Variants in CSMD1 observed in about 807,000 individuals in gnomAD.
CSMD1 encodes the protein CUB and Sushi multiple domains 1, also known as CUB and sushi domain-containing protein 1.
Under a neutral mutation model 417.5 loss-of-function variants are expected in CSMD1, and 213 were observed. That is an observed-to-expected ratio of 0.51 (90% confidence interval 0.46 to 0.57). The LOEUF is 0.57. Ranked by LOEUF, CSMD1 falls within the 20% of genes least tolerant of loss-of-function variation. The probability of loss-of-function intolerance (pLI) is 0.00; values close to 1 mark genes in which losing one functional copy is unlikely to be tolerated. For missense variants in CSMD1, 6,923 were observed against 4,529.7 expected (o/e 1.53, Z -15.17); for synonymous variants, 2,862 against 1,736.8 (o/e 1.65, Z -16.11).
Position 4,550,328 on chromosome 8 carries a change from C to T in CSMD1, c.302+87014G>A, listed in dbSNP as rs375369825. 8.0e-4 allele frequency among the ~76,000 whole-genome samples: 110 copies of T among 137,466 alleles called. 1 individual carries two copies. In the South Asian group the frequency reaches 0.022, roughly 27 times the overall value. 90.2% of individuals were successfully genotyped at this position (137,466 alleles called of 152,430 possible). On this transcript the variant is annotated intron_variant, in intron 2 of 69. Coordinates refer to ENST00000635120, the MANE Select transcript of CSMD1 (RefSeq NM_033225.6). ...TTTCATTGGAAGAAGCATACACACA[C>T]GCACACACACACACACACACACACA...
intron 1 of CSMD1, among the ~76,000 whole-genome samples, chr8:4,987,804 G>T (rs1289827704): frequency 2.0e-5 from 3 of 152,202 alleles, no homozygotes; most frequent in Admixed American, 6.5e-5. Flanking sequence ...CCCACATGCT[G>T]AGTCTTCAGG....
At chr8:4,346,947 T>A (rs1800808597) in intron 3 of CSMD1, among the ~76,000 whole-genome samples, 1 of 152,122 alleles carries the variant, frequency 6.6e-6, no homozygotes, top group Non-Finnish European at 1.5e-5. Context: ...GTGAGTTTAG[T>A]TAGGTAACAT....
intron 3 of CSMD1, among the ~76,000 whole-genome samples, chr8:4,072,380 T>A (rs777242398): frequency 6.6e-6 from 1 of 152,192 alleles, no homozygotes. Context: ...TACCTGCCTT[T>A]AGTTTACTGC....
chr8:4,940,298 A>T (rs1339025666), intron 1 of CSMD1, among the ~76,000 whole-genome samples: 1 of 152,250 alleles, frequency 6.6e-6, no homozygotes, highest in African/African-American at 2.4e-5. Flanking sequence ...GAGTAAAATG[A>T]TATGGCTTCA....
chr8:4,096,255 G>C lies in CSMD1; in HGVS notation c.416-64156C>G, dbSNP rs543129974. ...AAAAAGCAACCGACTTTCCCTGCTAGCTCTTGATAGCAAGCAGGCCCTTGG... is the reference window on the plus strand; with the variant it reads ...AAAAAGCAACCGACTTTCCCTGCTACCTCTTGATAGCAAGCAGGCCCTTGG... On this transcript the variant is annotated intron_variant, in intron 3 of 69. Coordinates refer to ENST00000635120, the MANE Select transcript of CSMD1 (RefSeq NM_033225.6). Among the ~76,000 whole-genome samples, 14 of 152,202 alleles carry C rather than the reference G, an allele frequency of 9.2e-5. 1 individual carries two copies. In the East Asian group the frequency reaches 2.3e-3, roughly 25 times the overall value.
At chr8:4,593,289 T>G (rs1205440160) in intron 2 of CSMD1, among the ~76,000 whole-genome samples, 1 of 152,184 alleles carries the variant, frequency 6.6e-6, no homozygotes, top group African/African-American at 2.4e-5. Flanking sequence ...ATTTGTTCCC[T>G]CTCCTCTTTA....
At chr8:3,577,344 G>C (rs1049834002) in intron 9 of CSMD1, among the ~76,000 whole-genome samples, 2 of 152,210 alleles carry the variant, frequency 1.3e-5, no homozygotes, top group Non-Finnish European at 2.9e-5. Flanking sequence ...CACAAAGCAA[G>C]TCATGGACCC....
At chr8:3,456,564 C>T (rs865980047) in intron 12 of CSMD1, among the ~76,000 whole-genome samples, 1 of 152,314 alleles carries the variant, frequency 6.6e-6, no homozygotes, top group Middle Eastern at 3.4e-3. Context: ...AGCATCATTG[C>T]ATTACTTCCT....
At chr8:3,011,920 C>A (rs1029285311) in intron 52 of CSMD1, among the ~76,000 whole-genome samples, 7 of 152,178 alleles carry the variant, frequency 4.6e-5, no homozygotes, top group African/African-American at 1.4e-4. Flanking sequence ...TCATGTAGAT[C>A]ACAAACTTCC....
chr8:2,997,969 C>G (rs1359257225), intron 54 of CSMD1, 42 bp downstream of exon 54: 1 of 1,586,806 alleles, frequency 6.3e-7, no homozygotes, highest in Non-Finnish European at 8.6e-7. Context: ...CAGCCTAGAA[C>G]ACTCTCAGAG....
chr8:4,541,234 T>C (rs1295017433), intron 2 of CSMD1, among the ~76,000 whole-genome samples: 1 of 152,180 alleles, frequency 6.6e-6, no homozygotes, highest in Admixed American at 6.5e-5. Flanking sequence ...CAGTAACTAC[T>C]GTGTGACTTA....
chr8:3,084,524 C>CAAAAAA lies in CSMD1; in HGVS notation c.7474+2567_7474+2572dup, dbSNP rs201491681. Among the ~76,000 whole-genome samples the CAAAAAA allele has an allele frequency of 3.4e-4, 33 of 97,272 alleles. 1 individual carries two copies. Among genetic ancestry groups the CAAAAAA allele is most frequent in the South Asian group, 8.1e-4 (2 of 2,476 alleles). 63.8% of individuals were successfully genotyped at this position (97,272 alleles called of 152,430 possible). On this transcript the variant is annotated intron_variant, in intron 49 of 69. Coordinates refer to ENST00000635120, the MANE Select transcript of CSMD1 (RefSeq NM_033225.6). The stretch of plus-strand genomic sequence containing the variant: ...GGGCAACAAAAGCAAAACTCCGTCT[C>CAAAAAA]AAAAAAAAAAAAAAAAAAATCTACA...
intron 3 of CSMD1, among the ~76,000 whole-genome samples, chr8:4,174,042 T>C (rs115652769): frequency 7.5e-4 from 114 of 152,260 alleles, no homozygotes; most frequent in South Asian, 4.4e-3. Context: ...CCTGAGTTCA[T>C]TGGTTTAGGC....
At chr8:3,798,308 T>G (rs1800271498) in intron 5 of CSMD1, among the ~76,000 whole-genome samples, 1 of 152,044 alleles carries the variant, frequency 6.6e-6, no homozygotes, top group Non-Finnish European at 1.5e-5. Context: ...GATTAGTGCT[T>G]CGTCTATCTT....
chr8:3,667,808 G>A (rs1798781681), intron 7 of CSMD1, among the ~76,000 whole-genome samples: 1 of 152,154 alleles, frequency 6.6e-6, no homozygotes, highest in Non-Finnish European at 1.5e-5. Flanking sequence ...AGAAGACCCA[G>A]GGCAAATTCA....
At chr8:3,160,399 A>G (rs1200896215) in intron 38 of CSMD1, among the ~76,000 whole-genome samples, 4 of 152,352 alleles carry the variant, frequency 2.6e-5, no homozygotes, top group African/African-American at 9.6e-5. Context: ...CTGGGATTAC[A>G]GGTGTGAGCC....
chr8:3,143,469 A>G (rs1818635330), intron 40 of CSMD1, among the ~76,000 whole-genome samples: 1 of 152,246 alleles, frequency 6.6e-6, no homozygotes, highest in South Asian at 2.1e-4. Flanking sequence ...AATTAAATAA[A>G]CTATGGCTGA....
chr8:3,541,716 CA>C (rs1798445720), intron 10 of CSMD1, among the ~76,000 whole-genome samples: 1 of 148,340 alleles, frequency 6.7e-6, no homozygotes, highest in Non-Finnish European at 1.5e-5. Context: ...TTTTCTTTAT[CA>C]ACAATTAAAA....
chr8:3,123,492 C>G (rs1036740834), intron 41 of CSMD1, among the ~76,000 whole-genome samples: 1 of 152,130 alleles, frequency 6.6e-6, no homozygotes, highest in Non-Finnish European at 1.5e-5. Context: ...TTATTATTCT[C>G]TTTTAGAATG....
Sources: gnomAD v4.1 joint callset for allele counts (sites outside exome capture counted in the v4.1 genomes callset) on GRCh38, gnomAD v4.1.1 for gene constraint, MANE v1.5 for transcripts, NCBI Gene and HGNC (gene_info 2026-07-23, HGNC 2026-07-21) for gene names.